WHAMM: variants seen among roughly 807,000 people sequenced by gnomAD.
WHAMM encodes the protein WASP homolog associated with actin, golgi membranes and microtubules.
WHAMM carries 67 observed loss-of-function variants against 76.5 expected under a neutral mutation model. The observed-to-expected ratio is 0.88, with a 90% CI of 0.72 to 1.07. The LOEUF (loss-of-function observed/expected upper bound fraction) is 1.07. Among genes scored for constraint, WHAMM ranks in the 50% least tolerant of loss-of-function variants. WHAMM has a pLI of 0.00. For missense variants in WHAMM, 1,021 were observed against 1,051.1 expected, an observed-to-expected ratio of 0.97 and a Z score of 0.40; for synonymous variants, 419 against 422.1, an observed-to-expected ratio of 0.99 and a Z score of 0.09.
At chr15:82,830,563 T>TG (rs1489820264) in intron 8 of WHAMM, 36 bp from the exon 9 acceptor site, 2 of 1,592,554 alleles carry the variant, frequency 1.3e-6, no homozygotes, top group Admixed American at 3.4e-5. Flanking sequence ...GGTTTGCACT[T>TG]GTGGCAGATT....
intron 9 of WHAMM, among the ~76,000 whole-genome samples, chr15:82,831,374 TTTC>T (rs1311463955): frequency 1.3e-5 from 2 of 152,238 alleles, no homozygotes; most frequent in Non-Finnish European, 2.9e-5. Context: ...CTATTTGAAG[TTTC>T]TTAAGACTTC....
intron 6 of WHAMM, among the ~76,000 whole-genome samples, chr15:82,824,845 C>T (rs1372770331): frequency 6.6e-6 from 1 of 152,106 alleles, no homozygotes; most frequent in African/African-American, 2.4e-5. Flanking sequence ...ATTACTCTTC[C>T]ATGTAAATAC....
intron 6 of WHAMM, among the ~76,000 whole-genome samples, chr15:82,825,924 A>G (rs1207246019): frequency 6.6e-6 from 1 of 152,128 alleles, no homozygotes; most frequent in Non-Finnish European, 1.5e-5. Context: ...TTACTGTATT[A>G]TTTTTTACAT....
At chr15:82,831,277 A>C (rs1418299798) in intron 9 of WHAMM, among the ~76,000 whole-genome samples, 198 bp downstream of exon 9, 4 of 152,194 alleles carry the variant, frequency 2.6e-5, no homozygotes, top group African/African-American at 9.7e-5. Context: ...ATCTGGTTTC[A>C]TAAATGTTAA....
At position 82,833,571 on chromosome 15, in the gene WHAMM, C is replaced by CCT; in HGVS notation, c.*35_*36insCT. On this transcript the variant is annotated 3_prime_UTR_variant, in exon 10 of 10. Coordinates refer to ENST00000286760, the MANE Select transcript of WHAMM (RefSeq NM_001080435.3). Reference sequence around the variant, plus strand: ...TGACAAAGGCACCTGCCACAGTAGGCTTGAATAAAGTGGGTGAGTCTTAGA... The same window carrying CCT: ...TGACAAAGGCACCTGCCACAGTAGGCCTTTGAATAAAGTGGGTGAGTCTTAGA... 1 of 1,603,318 alleles carries CCT rather than the reference C, an allele frequency of 6.2e-7. No individual in the cohort carries two copies.
chr15:82,820,896 CAAAAAA>C (rs60974626), intron 5 of WHAMM, among the ~76,000 whole-genome samples: 10 of 119,626 alleles, frequency 8.4e-5, no homozygotes, highest in African/African-American at 1.6e-4. Context: ...GACTCTGTCT[CAAAAAA>C]AAAAAAAAAA....
At chr15:82,821,529 T>TCTA (rs2050827561) in intron 5 of WHAMM, among the ~76,000 whole-genome samples, 1 of 152,226 alleles carries the variant, frequency 6.6e-6, no homozygotes, top group African/African-American at 2.4e-5. Flanking sequence ...AAACATTAGA[T>TCTA]TGACTTTGGT....
At chr15:82,825,431 A>G (rs2050914971) in intron 6 of WHAMM, among the ~76,000 whole-genome samples, 1 of 152,104 alleles carries the variant, frequency 6.6e-6, no homozygotes. Context: ...CTCTCAAGAT[A>G]TAATCACTCC....
Position 82,809,773 on chromosome 15 carries a change from G to C in WHAMM, c.47G>C (p.Arg16Pro), listed in dbSNP as rs2050592152. Reference sequence around the variant, plus strand: ...AGCCTGGAGGGCTGGGTGCCGGTCCGGGAGGGCCTCTTCGCCGAGCCCGAG... The same window carrying C: ...AGCCTGGAGGGCTGGGTGCCGGTCCCGGAGGGCCTCTTCGCCGAGCCCGAG... ...PDSLEGWVPV[R>P]EGLFAEPERH... Residue 16 changes from arginine to proline, a missense_variant, in exon 1 of 10, where the codon CGG becomes CCG. Around this residue, in one of 3 missense-constraint regions of WHAMM, gnomAD observed 501 missense variants for 524.9 expected, o/e 0.95. Transcript: ENST00000286760. 1 of 1,594,290 alleles carries C rather than the reference G, an allele frequency of 6.3e-7. No homozygotes were observed. Among genetic ancestry groups the C allele is most frequent in the African/African-American group, 1.4e-5 (1 of 74,032 alleles).
chr15:82,810,186 G>A lies in WHAMM; in HGVS notation c.460G>A (p.Gly154Ser). Residue 154 changes from glycine to serine, a missense_variant, in exon 1 of 10, where the codon GGC becomes AGC. Gly to Ser is a moderately conservative substitution (Grantham distance 56). Transcript: ENST00000286760. Reference protein sequence around the residue: ...ELCGQLERYLGAAADGCGGAT... With the variant: ...ELCGQLERYLSAAADGCGGAT... ...GTGCGGGCAGCTGGAACGCTATCTG[G>A]GCGCGGCGGCCGACGGCTGCGGCGG... The A allele has an allele frequency of 1.4e-6, 2 of 1,404,890 alleles. No individual in the cohort carries two copies. The highest frequency in any genetic ancestry group is 1.4e-5 in the South Asian group (1 of 71,780). 87.0% of individuals were successfully genotyped at this position (1,404,890 alleles called of 1,614,324 possible).
rs3814281 is a variant in WHAMM, at chr15:82,831,014, G to A, written c.2057G>A (p.Arg686His). Residue 686 changes from arginine to histidine, a missense_variant, in exon 9 of 10, where the codon CGT becomes CAT. This residue lies in a region of WHAMM where 509 missense variants were observed against 492.3 expected (regional missense o/e 1.03). Coordinates refer to ENST00000286760, the MANE Select transcript of WHAMM (RefSeq NM_001080435.3). ...GCTCCAGTGAAAGATGACCAGCCAC[G>A]TCCTCTAGTGTGCGAATCACCTGCT... ...FRAPVKDDQP[R>H]PLVCESPAER... The A allele has an allele frequency of 0.15, 238,710 of 1,598,432 alleles. 19,900 individuals carry two copies. Among genetic ancestry groups the A allele is most frequent in the South Asian group, 0.32 (29,413 of 90,778 alleles).
chr15:82,833,014 G>T (rs2051057067), intron 9 of WHAMM, among the ~76,000 whole-genome samples: 1 of 152,210 alleles, frequency 6.6e-6, no homozygotes. Flanking sequence ...TTAGCAGAAA[G>T]GAAGTGGTTA....
chr15:82,809,783 C>G lies in WHAMM; in HGVS notation c.57C>G (p.Leu19=). Residue 19 remains leucine (L), a synonymous_variant, in exon 1 of 10, where the codon CTC becomes CTG. Transcript: ENST00000286760. ...LEGWVPVREG[L]FAEPERHRLR... ...GCTGGGTGCCGGTCCGGGAGGGCCT[C>G]TTCGCCGAGCCCGAGAGGCACCGGC... 6.3e-7 allele frequency: 1 copy of G among 1,599,566 alleles called. No homozygotes were observed. Among genetic ancestry groups the G allele is most frequent in the Non-Finnish European group, 8.5e-7 (1 of 1,174,108 alleles).
At chr15:82,821,184 A>T (rs2050820886) in intron 5 of WHAMM, among the ~76,000 whole-genome samples, 1 of 152,142 alleles carries the variant, frequency 6.6e-6, no homozygotes, top group Admixed American at 6.5e-5. Context: ...ATTGTCTGTC[A>T]TATGTTGCAA....
intron 5 of WHAMM, 144 bp from the exon 6 acceptor site, chr15:82,822,956 T>C (rs953785093): frequency 1.6e-6 from 1 of 612,626 alleles, no homozygotes. Context: ...GTATATTACA[T>C]ATACACATAT....
At position 82,810,063 on chromosome 15, in the gene WHAMM, G is replaced by A; in HGVS notation, c.337G>A (p.Asp113Asn). 1 of 1,217,054 alleles carries A rather than the reference G, an allele frequency of 8.2e-7. No homozygotes were observed. The highest frequency in any genetic ancestry group is 1.0e-6 in the Non-Finnish European group (1 of 981,834). 75.4% of individuals were successfully genotyped at this position (1,217,054 alleles called of 1,614,324 possible). The change falls in exon 1 of 10, where the codon GAC becomes AAC. Residue 113 changes from aspartate (D) to asparagine (N), a missense_variant. Asp to Asn is a conservative substitution (Grantham distance 23). Around this residue, in one of 3 missense-constraint regions of WHAMM, gnomAD observed 501 missense variants for 524.9 expected, o/e 0.95. Transcript: ENST00000286760. ...RCFPRLPPEL[D>N]VGGGGAWGLG... ...CTTCCCGCGGCTGCCGCCGGAGCTG[G>A]ACGTGGGCGGCGGCGGGGCCTGGGG...
rs1167119021 is a variant in WHAMM at position 82,834,030 on chromosome 15, C to G, written c.*494C>G. 6.5e-6 allele frequency: 1 copy of G among 154,312 alleles called. No individual in the cohort carries two copies. Among genetic ancestry groups the G allele is most frequent in the Non-Finnish European group, 1.4e-5 (1 of 69,520 alleles). 9.6% of individuals were successfully genotyped at this position (154,312 alleles called of 1,614,324 possible). On this transcript the variant is annotated 3_prime_UTR_variant, in exon 10 of 10. Transcript: ENST00000286760. Reference sequence around the variant, plus strand: ...CTGGGATTACAGGTGTGAGCCACCACGCCCAGCCTTTTTTTTTTCTTTCTT... The same window carrying G: ...CTGGGATTACAGGTGTGAGCCACCAGGCCCAGCCTTTTTTTTTTCTTTCTT...
intron 9 of WHAMM, 44 bp from the exon 10 acceptor site, chr15:82,833,184 GA>G (rs2051060570): frequency 6.4e-7 from 1 of 1,570,032 alleles, no homozygotes; most frequent in African/African-American, 1.3e-5. Context: ...CCTGGGAAGG[GA>G]AAGTGTTTTA....
Position 82,831,046 on chromosome 15 carries a change from C to T in WHAMM, c.2089C>T (p.Pro697Ser), listed in dbSNP as rs763375138. The change falls in exon 9 of 10, where the codon CCA becomes TCA. Residue 697 changes from proline (P) to serine (S), a missense_variant. Pro to Ser is a moderately conservative substitution (Grantham distance 74). Transcript: ENST00000286760. Reference sequence around the variant, plus strand: ...AGTGTGCGAATCACCTGCTGAGCGACCACGTGACTCCTTGGAAAGTTTTTC... The same window carrying T: ...AGTGTGCGAATCACCTGCTGAGCGATCACGTGACTCCTTGGAAAGTTTTTC... ...PLVCESPAER[P>S]RDSLESFSCP... 6.2e-7 allele frequency: 1 copy of T among 1,609,462 alleles called. No homozygotes were observed. Among genetic ancestry groups the T allele is most frequent in the African/African-American group, 1.3e-5 (1 of 74,822 alleles).
Sources: allele counts gnomAD v4.1 joint callset (sites outside exome capture counted in the v4.1 genomes callset), GRCh38; gene constraint gnomAD v4.1.1; regional missense constraint gnomAD v4.1.1; transcripts MANE v1.5; gene names NCBI Gene and HGNC (gene_info 2026-07-23, HGNC 2026-07-21).